Variants in SETDB2 observed in about 807,000 individuals in gnomAD.
The protein encoded by SETDB2 is histone-lysine N-methyltransferase SETDB2.
A neutral mutation model predicts 82.5 loss-of-function variants in SETDB2; 56 were observed. The ratio of observed to expected loss-of-function variants is 0.68; its 90% confidence interval spans 0.55 to 0.85. The LOEUF (loss-of-function observed/expected upper bound fraction) is 0.85. SETDB2 is among the 40% of genes least tolerant of loss of function. The pLI, the probability that SETDB2 is intolerant of heterozygous loss-of-function variation, is 0.00. For missense variants in SETDB2, 677 were observed against 816.4 expected (o/e 0.83, Z 2.08); for synonymous variants, 272 against 284.9 (o/e 0.95, Z 0.46).
At chr13:49,452,449 C>A (rs1957803850) in intron 2 of SETDB2, among the ~76,000 whole-genome samples, 1 of 152,106 alleles carries the variant, frequency 6.6e-6, no homozygotes, top group African/African-American at 2.4e-5. Flanking sequence ...TTTAGTGTTA[C>A]AGAAAAATTG....
intron 4 of SETDB2, 26 bp from the exon 5 acceptor site, chr13:49,467,838 G>A (rs756461780): frequency 6.4e-7 from 1 of 1,551,580 alleles, no homozygotes; most frequent in Non-Finnish European, 8.8e-7. Context: ...TGGTATATTT[G>A]TTGCTCACAT....
Position 49,491,806 on chromosome 13 carries a change from T to C in SETDB2, c.2081T>C (p.Phe694Ser). ...EAGTVPEKEIFCQCGVNKCRK... is the reference protein window; with the variant it reads ...EAGTVPEKEISCQCGVNKCRK... ...GGGACTGTGCCTGAGAAGGAAATCT[T>C]CTGCCAATGTGGGGTTAATAAATGT... Residue 694 changes from phenylalanine (F) to serine (S), a missense_variant, in exon 14 of 14, where the codon TTC becomes TCC. Physicochemically the swap from Phe to Ser is radical, Grantham distance 155. Around this residue, in one of 3 missense-constraint regions of SETDB2, gnomAD observed 420 missense variants for 554.6 expected, o/e 0.76. Coordinates refer to ENST00000611815, the MANE Select transcript of SETDB2 (RefSeq NM_001160308.3). 2 of 1,613,226 alleles carry C rather than the reference T, an allele frequency of 1.2e-6. No individual in the cohort carries two copies. Among genetic ancestry groups the C allele is most frequent in the Non-Finnish European group, 1.7e-6 (2 of 1,179,646 alleles).
At chr13:49,476,203 T>C (rs140897028) in intron 5 of SETDB2, among the ~76,000 whole-genome samples, 37 of 152,290 alleles carry the variant, frequency 2.4e-4, no homozygotes, top group African/African-American at 7.5e-4. Context: ...GGAGGATCAC[T>C]TGGGGACAAG....
At chr13:49,462,439 T>C (rs1649368971) in intron 4 of SETDB2, among the ~76,000 whole-genome samples, 1 of 152,150 alleles carries the variant, frequency 6.6e-6, no homozygotes, top group African/African-American at 2.4e-5. Flanking sequence ...AGACAAATAT[T>C]ATAACAGAAG....
chr13:49,446,497 A>G (rs1957692678), intron 1 of SETDB2: 3 of 419,488 alleles, frequency 7.2e-6, no homozygotes, highest in Non-Finnish European at 4.7e-6. Context: ...ATACTGTTAC[A>G]TATTCTATAT....
intron 5 of SETDB2, among the ~76,000 whole-genome samples, chr13:49,470,792 C>T (rs765220112): frequency 6.6e-5 from 10 of 152,128 alleles, no homozygotes; most frequent in Non-Finnish European, 1.0e-4. Context: ...CTGCAGCAAG[C>T]CATGATCGCG....
intron 5 of SETDB2, among the ~76,000 whole-genome samples, chr13:49,472,519 A>T (rs1462278278): frequency 1.3e-5 from 2 of 152,186 alleles, no homozygotes; most frequent in African/African-American, 4.8e-5. Flanking sequence ...GTTTACCTCT[A>T]GCACTTTTAA....
Position 49,494,318 on chromosome 13 carries a change from TACAC to T in SETDB2, c.*2471_*2474del, listed in dbSNP as rs1958765696. Reference sequence around the variant, plus strand: ...GTATGTATATGCACACACGTATACATACACATACAGGCATGCATCTCTGTATTCT... The same window carrying T: ...GTATGTATATGCACACACGTATACATATACAGGCATGCATCTCTGTATTCT... On this transcript the variant is annotated 3_prime_UTR_variant, in exon 14 of 14. Transcript: ENST00000611815. 1 of 152,238 alleles carries T rather than the reference TACAC, an allele frequency of 6.6e-6. No individual in the cohort carries two copies. The highest frequency in any genetic ancestry group is 2.1e-4 in the South Asian group (1 of 4,836). The allele number at this position is 152,238 out of a possible 1,614,324, so 9.4% of individuals were successfully genotyped here. A position where few individuals can be genotyped will look rare whatever the true frequency, so the allele number is the denominator to read the frequency against.
chr13:49,485,789 C>G lies in SETDB2; in HGVS notation c.1576+66C>G, dbSNP rs764426100. Reference sequence around the variant, plus strand: ...TGTTTCTCTGTCTCTTGCTCAATACCTGTAGCTCATTTTCTTAGATTCCAT... The same window carrying G: ...TGTTTCTCTGTCTCTTGCTCAATACGTGTAGCTCATTTTCTTAGATTCCAT... On this transcript the variant is annotated intron_variant, in intron 11 of 13. Coordinates refer to ENST00000611815, the MANE Select transcript of SETDB2 (RefSeq NM_001160308.3). The G allele has an allele frequency of 2.4e-6, 3 of 1,229,408 alleles. No homozygotes were observed. In the African/African-American group the frequency reaches 4.5e-5, roughly 18 times the overall value. 76.2% of individuals were successfully genotyped at this position (1,229,408 alleles called of 1,614,324 possible).
chr13:49,483,033 C>T lies in SETDB2; in HGVS notation c.1382+71C>T, dbSNP rs138486367. 2.4e-4 allele frequency: 228 copies of T among 954,064 alleles called. No homozygotes were observed. The African/African-American group carries it at 3.6e-3, about 15-fold the overall frequency. 59.1% of individuals were successfully genotyped at this position (954,064 alleles called of 1,614,324 possible). On this transcript the variant is annotated intron_variant, in intron 9 of 13. Coordinates refer to ENST00000611815, the MANE Select transcript of SETDB2 (RefSeq NM_001160308.3). ...ATCAATTGGTTCTTTTTCATTCCTTCCCCTCTTTCTTTTCTCCTCATTTGT... is the reference window on the plus strand; with the variant it reads ...ATCAATTGGTTCTTTTTCATTCCTTTCCCTCTTTCTTTTCTCCTCATTTGT...
In SETDB2 at chr13:49,451,847, A is replaced by T. The variant is rs1221741494; in HGVS notation, c.-47A>T. The T allele has an allele frequency of 5.3e-6, 8 of 1,511,600 alleles. No individual in the cohort carries two copies. Among genetic ancestry groups the T allele is most frequent in the Non-Finnish European group, 7.3e-6 (8 of 1,101,092 alleles). 93.6% of individuals were successfully genotyped at this position (1,511,600 alleles called of 1,614,324 possible). ...GATATTCTGCAATCAAAGTGATTTG[A>T]TAAACCTAATTTTGAAGCATTTTAT... On this transcript the variant is annotated 5_prime_UTR_variant, in exon 2 of 14. Transcript: ENST00000611815.
chr13:49,451,926 A>G lies in SETDB2; in HGVS notation c.16+17A>G. On this transcript the variant is annotated intron_variant, in intron 2 of 13. Coordinates refer to ENST00000611815, the MANE Select transcript of SETDB2 (RefSeq NM_001160308.3). ...AAAAAAATGGTAGGTTGAAGAACACACTGTTACACTTTATATCTAAAAGTA... is the reference window on the plus strand; with the variant it reads ...AAAAAAATGGTAGGTTGAAGAACACGCTGTTACACTTTATATCTAAAAGTA... 1 of 1,568,946 alleles carries G rather than the reference A, an allele frequency of 6.4e-7. No individual in the cohort carries two copies. Among genetic ancestry groups the G allele is most frequent in the Non-Finnish European group, 8.7e-7 (1 of 1,147,626 alleles).
chr13:49,487,149 C>G (rs1958613270), intron 11 of SETDB2, among the ~76,000 whole-genome samples: 1 of 152,034 alleles, frequency 6.6e-6, no homozygotes, highest in Admixed American at 6.6e-5. Flanking sequence ...TTACACGTAA[C>G]CCATGATTAA....
rs753496151 is a variant in SETDB2, at chr13:49,482,795, A to G, written c.1215A>G (p.Arg405=). The G allele has an allele frequency of 5.6e-6, 9 of 1,612,662 alleles. No individual in the cohort carries two copies. The highest frequency in any genetic ancestry group is 7.6e-6 in the Non-Finnish European group (9 of 1,178,988). Residue 405 remains arginine (R), a synonymous_variant, in exon 9 of 14, where the codon AGA becomes AGG. Transcript: ENST00000611815. ...EKSYGIDENG[R]DENTMKNIFS... ...CTTATGGTATTGATGAAAACGGGAG[A>G]GATGAGAATACTATGAAAAATATAT...
chr13:49,463,841 A>G (rs1958047975), intron 4 of SETDB2, among the ~76,000 whole-genome samples: 1 of 152,236 alleles, frequency 6.6e-6, no homozygotes, highest in Non-Finnish European at 1.5e-5. Context: ...ATGTTGAGGG[A>G]GTGCTGGGAG....
intron 5 of SETDB2, among the ~76,000 whole-genome samples, chr13:49,471,425 T>C (rs1212935826): frequency 6.6e-6 from 1 of 151,270 alleles, no homozygotes; most frequent in Non-Finnish European, 1.5e-5. Flanking sequence ...ATTCCCTTTT[T>C]TTTTTTTTTT....
intron 5 of SETDB2, among the ~76,000 whole-genome samples, chr13:49,475,853 T>A (rs1435162542): frequency 6.6e-6 from 1 of 152,008 alleles, no homozygotes; most frequent in Non-Finnish European, 1.5e-5. Context: ...TTTTTTCAGA[T>A]GTATCAATAT....
At chr13:49,482,234 A>G (rs1465553324) in intron 8 of SETDB2, 19 of 985,340 alleles carry the variant, frequency 1.9e-5, no homozygotes, top group Non-Finnish European at 2.2e-5. Context: ...CTTGGCAACT[A>G]TAATATTGAA....
intron 4 of SETDB2, among the ~76,000 whole-genome samples, 158 bp from the exon 5 acceptor site, chr13:49,467,706 A>T (rs1041988829): frequency 2.0e-5 from 3 of 152,210 alleles, no homozygotes; most frequent in African/African-American, 7.2e-5. Flanking sequence ...GAAAATATTG[A>T]CACTTAATCT....
Sources: gnomAD v4.1 joint callset for allele counts (sites outside exome capture counted in the v4.1 genomes callset) on GRCh38, gnomAD v4.1.1 for gene constraint, gnomAD v4.1.1 regional missense constraint, MANE v1.5 for transcripts, NCBI Gene and HGNC (gene_info 2026-07-23, HGNC 2026-07-21) for gene names.